The following OTUD7B variants were observed in gnomAD, a reference collection of about 807,000 sequenced individuals.
OTUD7B encodes OTU domain-containing protein 7B.
In OTUD7B, 34 loss-of-function variants were observed where a neutral mutation model predicts 82.2. The observed-to-expected ratio is 0.41, with a 90% CI of 0.31 to 0.55. The LOEUF (loss-of-function observed/expected upper bound fraction) is 0.55, where lower values mean the gene tolerates loss of function less well. Among genes scored for constraint, OTUD7B ranks in the 20% least tolerant of loss-of-function variants. The pLI is 0.20. For missense variants in OTUD7B, 944 were observed against 1,062.1 expected, an observed-to-expected ratio of 0.89 and a Z score of 1.55; for synonymous variants, 398 against 402.7, an observed-to-expected ratio of 0.99 and a Z score of 0.14.
the OTUD7B span, among the ~76,000 whole-genome samples, chr1:150,016,447 T>C: frequency 6.6e-4 from 3 of 4,528 alleles, no homozygotes; most frequent in Admixed American, 0.012. Context: ...TTCTCTTTTC[T>C]TTTTCTTTTT....
chr1:150,050,909 T>C, the OTUD7B span, among the ~76,000 whole-genome samples: 4 of 83,222 alleles, frequency 4.8e-5, no homozygotes, highest in Admixed American at 1.6e-4. Flanking sequence ...TGCTGGCAGA[T>C]AGTCCTTAAA....
rs781933130 is a variant in OTUD7B, at chr1:149,967,441, C to G, written c.355G>C (p.Gly119Arg). ...LARSHVSSNG[G>R]GGGSNEHPLE... ...GGGTGCTCATTGCTCCCCCCACCCCCACCATTGGAGGAGACATGGGACCGG... is the reference window on the plus strand; with the variant it reads ...GGGTGCTCATTGCTCCCCCCACCCCGACCATTGGAGGAGACATGGGACCGG... The change falls in exon 4 of 12, where the codon GGG becomes CGG. Residue 119 changes from glycine (G) to arginine (R), a missense_variant. Physicochemically the swap from Gly to Arg is moderately radical, Grantham distance 125. Coordinates refer to ENST00000581312, the MANE Select transcript of OTUD7B (RefSeq NM_020205.4). 1.9e-6 allele frequency: 3 copies of G among 1,614,130 alleles called. No homozygotes were observed. The highest frequency in any genetic ancestry group is 2.5e-6 in the Non-Finnish European group (3 of 1,179,998).
At chr1:150,002,473 C>G (rs1306240757) in intron 1 of OTUD7B, among the ~76,000 whole-genome samples, 1 of 152,156 alleles carries the variant, frequency 6.6e-6, no homozygotes, top group Non-Finnish European at 1.5e-5. Context: ...CAGGGAACAT[C>G]TTTCTCAGTC....
intron 1 of OTUD7B, among the ~76,000 whole-genome samples, chr1:150,002,182 A>G (rs1156573036): frequency 6.8e-6 from 1 of 146,824 alleles, no homozygotes; most frequent in Non-Finnish European, 1.5e-5. Flanking sequence ...TTTTCCCTGA[A>G]CTTTTCTAAA....
chr1:149,967,212 G>C lies in OTUD7B; in HGVS notation c.502+82C>G, dbSNP rs10494259. The C allele has an allele frequency of 0.012, 11,161 of 902,686 alleles. 903 individuals are homozygous for C. In the African/African-American group the frequency reaches 0.17, roughly 13 times the overall value. The allele number at this position is 902,686 out of a possible 1,614,324, so 55.9% of individuals were successfully genotyped here. A position where few individuals can be genotyped will look rare whatever the true frequency, so the allele number is the denominator to read the frequency against. ...GATAACACACTTAAACTGGAAGCTA[G>C]CGATCAAGTCCAGCCCCTCCACAAG... On this transcript the variant is annotated intron_variant, in intron 4 of 11. Transcript: ENST00000581312.
chr1:149,964,604 G>T (rs1375945158), intron 5 of OTUD7B, among the ~76,000 whole-genome samples: 3 of 151,852 alleles, frequency 2.0e-5, no homozygotes, highest in African/African-American at 7.2e-5. Flanking sequence ...TTTTTGGTTG[G>T]TTTTTTTGAG....
intron 1 of OTUD7B, among the ~76,000 whole-genome samples, chr1:149,998,088 A>G (rs190085514): frequency 6.6e-6 from 1 of 152,282 alleles, no homozygotes; most frequent in Admixed American, 6.5e-5. Flanking sequence ...GCTATTACCC[A>G]GACTGAAAAT....
At chr1:149,981,678 T>C (rs1257323481) in intron 1 of OTUD7B, among the ~76,000 whole-genome samples, 1 of 152,230 alleles carries the variant, frequency 6.6e-6, no homozygotes, top group African/African-American at 2.4e-5. Flanking sequence ...TATTCATTCA[T>C]AAATATTTGT....
At chr1:150,055,381 T>TA in the OTUD7B span, among the ~76,000 whole-genome samples, 30 of 3,706 alleles carry the variant, frequency 8.1e-3, 1 homozygote, top group Non-Finnish European at 6.0e-3. Context: ...AAATAACTGA[T>TA]AACAAAAAAA....
the OTUD7B span, among the ~76,000 whole-genome samples, chr1:150,020,408 G>A: frequency 2.6e-5 from 4 of 152,108 alleles, no homozygotes; most frequent in African/African-American, 7.2e-5. Flanking sequence ...ATGGTGGCGC[G>A]CACCTGTAGT....
chr1:150,049,971 G>T, the OTUD7B span, among the ~76,000 whole-genome samples: 3 of 152,094 alleles, frequency 2.0e-5, no homozygotes, highest in African/African-American at 7.2e-5. Flanking sequence ...CAACACTTTG[G>T]GAGGCTGAGG....
At chr1:149,979,282 C>A (rs1182009526) in intron 1 of OTUD7B, among the ~76,000 whole-genome samples, 7 of 152,114 alleles carry the variant, frequency 4.6e-5, no homozygotes, top group Non-Finnish European at 1.0e-4. Context: ...CTTCTTATCA[C>A]CATTCTATTT....
At chr1:150,047,368 C>T in the OTUD7B span, among the ~76,000 whole-genome samples, 2 of 152,180 alleles carry the variant, frequency 1.3e-5, no homozygotes, top group East Asian at 3.8e-4. Context: ...TCAACACTCC[C>T]CCCAACCTCC....
chr1:149,950,100 C>CT lies in OTUD7B; in HGVS notation c.966dup (p.Gly323ArgfsTer33), dbSNP rs1553773004. 6.2e-7 allele frequency: 1 copy of CT among 1,613,978 alleles called. No homozygotes were observed. Among genetic ancestry groups the CT allele is most frequent in the East Asian group, 2.2e-5 (1 of 44,888 alleles). On this transcript the variant is annotated frameshift_variant, in exon 8 of 12. Coordinates refer to ENST00000581312, the MANE Select transcript of OTUD7B (RefSeq NM_020205.4). LOFTEE classifies it high-confidence loss of function. ...GACTGACTGGCTGACTCACCTTCCC[C>CT]TCCGGAGTCCCTCAGCATGGTGTCT...
intron 2 of OTUD7B, among the ~76,000 whole-genome samples, chr1:149,975,748 G>C (rs934515113): frequency 6.6e-6 from 1 of 152,120 alleles, no homozygotes; most frequent in Non-Finnish European, 1.5e-5. Flanking sequence ...TGCAAATTAG[G>C]CTGGGCAGGG....
Position 149,944,630 on chromosome 1 carries a change from T to C in OTUD7B, c.1759A>G (p.Lys587Glu), listed in dbSNP as rs587669829. ...PAESVGNGGS[K>E]YSQEVMQSLS... Reference sequence around the variant, plus strand: ...CTCTGCATCACCTCCTGGCTATACTTGCTCCCTCCGTTACCAACAGACTCA... The same window carrying C: ...CTCTGCATCACCTCCTGGCTATACTCGCTCCCTCCGTTACCAACAGACTCA... Residue 587 changes from lysine (K) to glutamate (E), a missense_variant, in exon 12 of 12, where the codon AAG (lysine) becomes GAG (glutamate). Around this residue, in one of 3 missense-constraint regions of OTUD7B, gnomAD observed 412 missense variants for 418.7 expected, o/e 0.98. Transcript: ENST00000581312. 9.8e-5 allele frequency: 158 copies of C among 1,614,078 alleles called. No individual in the cohort carries two copies. Among genetic ancestry groups the C allele is most frequent in the Middle Eastern group, 4.9e-4 (3 of 6,062 alleles).
intron 1 of OTUD7B, among the ~76,000 whole-genome samples, chr1:149,993,378 T>C (rs1288408111): frequency 6.6e-6 from 1 of 152,194 alleles, no homozygotes; most frequent in Non-Finnish European, 1.5e-5. Flanking sequence ...GTGAAGGGGA[T>C]GCATCAGCCA....
the OTUD7B span, among the ~76,000 whole-genome samples, chr1:150,022,487 A>G: frequency 6.6e-6 from 1 of 151,174 alleles, no homozygotes; most frequent in African/African-American, 2.4e-5. Context: ...GCCGTTGGTA[A>G]CTGGGATTGT....
At chr1:150,031,500 TG>T in the OTUD7B span, among the ~76,000 whole-genome samples, 25 of 152,228 alleles carry the variant, frequency 1.6e-4, no homozygotes, top group African/African-American at 6.0e-4. Flanking sequence ...AGGCAATAAA[TG>T]TGCATTTTTA....
Sources: gnomAD v4.1 joint callset for allele counts (sites outside exome capture counted in the v4.1 genomes callset) on GRCh38, gnomAD v4.1.1 for gene constraint, gnomAD v4.1.1 regional missense constraint, MANE v1.5 for transcripts, NCBI Gene and HGNC (gene_info 2026-07-23, HGNC 2026-07-21) for gene names.